PITPNB: variants seen among roughly 807,000 people sequenced by gnomAD.
PITPNB encodes phosphatidylinositol transfer protein beta.
Under a neutral mutation model 45.9 loss-of-function variants are expected in PITPNB, and 16 were observed. That is an observed-to-expected ratio of 0.35 (90% confidence interval 0.24 to 0.53). The LOEUF (loss-of-function observed/expected upper bound fraction) is 0.53. Among genes scored for constraint, PITPNB ranks in the 20% least tolerant of loss-of-function variants. The probability of loss-of-function intolerance (pLI) is 0.93; values close to 1 mark genes in which losing one functional copy is unlikely to be tolerated. For synonymous variants in PITPNB, 112 were observed against 108.9 expected (o/e 1.03, Z -0.18); for missense variants, 188 against 330.5 (o/e 0.57, Z 3.34).
At chr22:27,873,202 G>A (rs1934718936) in intron 8 of PITPNB, among the ~76,000 whole-genome samples, 2 of 152,216 alleles carry the variant, frequency 1.3e-5, no homozygotes, top group Admixed American at 1.3e-4. Context: ...AGGAGGCAGA[G>A]GCTGCAGTGA....
intron 8 of PITPNB, among the ~76,000 whole-genome samples, chr22:27,867,270 CA>C (rs1796203288): frequency 1.3e-5 from 2 of 151,732 alleles, no homozygotes; most frequent in African/African-American, 2.4e-5. Flanking sequence ...GGAAGGAAGA[CA>C]GGGGGAATAC....
At chr22:27,863,699 A>G (rs779595324) in intron 8 of PITPNB, among the ~76,000 whole-genome samples, 64 of 152,218 alleles carry the variant, frequency 4.2e-4, no homozygotes, top group Admixed American at 4.6e-4. Context: ...AATTTTATAA[A>G]AACAGTGGGA....
chr22:27,897,122 T>C lies in PITPNB; in HGVS notation c.297+8A>G, dbSNP rs1935458008. The C allele has an allele frequency of 6.4e-7, 1 of 1,562,968 alleles. No homozygotes were observed. The highest frequency in any genetic ancestry group is 8.8e-7 in the Non-Finnish European group (1 of 1,133,400). On this transcript the variant is annotated splice_region_variant and intron_variant, in intron 5 of 11. Transcript: ENST00000335272. ...GAAAGTATGAGACACAAAAATAGTT[T>C]TACTCACCGTTACAACTGAGGCATA...
At chr22:27,891,933 C>T (rs1426536602) in intron 7 of PITPNB, among the ~76,000 whole-genome samples, 6 of 152,226 alleles carry the variant, frequency 3.9e-5, no homozygotes. Flanking sequence ...GGCTAACCAA[C>T]TTGTCCAAGA....
chr22:27,893,582 CTTTTTTTTT>C (rs745878388), intron 7 of PITPNB, among the ~76,000 whole-genome samples: 1 of 74,032 alleles, frequency 1.4e-5, no homozygotes, highest in Admixed American at 2.0e-4. Context: ...CATGTCTAGC[CTTTTTTTTT>C]TTTTTTTTTT....
At chr22:27,907,443 T>C (rs1368106477) in intron 3 of PITPNB, among the ~76,000 whole-genome samples, 1 of 152,204 alleles carries the variant, frequency 6.6e-6, no homozygotes, top group Admixed American at 6.5e-5. Flanking sequence ...CCATAGCCAT[T>C]CCCTCCTCCA....
rs1398166019 is a variant in PITPNB, at chr22:27,852,290, C to A, written c.*1412G>T. The A allele has an allele frequency of 6.6e-6, 1 of 152,096 alleles. No individual in the cohort carries two copies. Among genetic ancestry groups the A allele is most frequent in the African/African-American group, 2.4e-5 (1 of 41,408 alleles). The allele number at this position is 152,096 out of a possible 1,614,324, so 9.4% of individuals were successfully genotyped here. On this transcript the variant is annotated 3_prime_UTR_variant, in exon 12 of 12. Transcript: ENST00000335272. ...GGAGGTTACAAAAGACAGTTTGTGA[C>A]CTGAAGGCTTCAACAATATAATTCT...
At chr22:27,862,271 T>C (rs1205861207) in intron 8 of PITPNB, among the ~76,000 whole-genome samples, 1 of 152,214 alleles carries the variant, frequency 6.6e-6, no homozygotes, top group Admixed American at 6.5e-5. Flanking sequence ...TTTTCCTTTA[T>C]ATGACTGAAG....
chr22:27,888,815 T>C (rs377462747), intron 7 of PITPNB, among the ~76,000 whole-genome samples: 5 of 152,150 alleles, frequency 3.3e-5, no homozygotes, highest in African/African-American at 4.8e-5. Context: ...AGTAGTGTGT[T>C]GGAACAGGAA....
chr22:27,914,244 T>G (rs1000954444), intron 2 of PITPNB, 73 bp downstream of exon 2: 1 of 887,066 alleles, frequency 1.1e-6, no homozygotes, highest in Non-Finnish European at 1.9e-6. Context: ...ACTACGAAAA[T>G]GTGAGTTTAG....
At chr22:27,896,696 C>G (rs1601415244) in intron 5 of PITPNB, 70 bp from the exon 6 acceptor site, 13 of 1,004,726 alleles carry the variant, frequency 1.3e-5, no homozygotes, top group Admixed American at 1.8e-5. Flanking sequence ...TCTGAGGGAG[C>G]TTTTCCCAGT....
intron 3 of PITPNB, among the ~76,000 whole-genome samples, chr22:27,906,060 G>A (rs1318635124): frequency 1.3e-5 from 2 of 152,184 alleles, no homozygotes; most frequent in Non-Finnish European, 2.9e-5. Flanking sequence ...GTATCAAAAT[G>A]AGTCGAAATG....
chr22:27,888,624 A>G (rs1274050382), intron 7 of PITPNB, among the ~76,000 whole-genome samples: 1 of 152,246 alleles, frequency 6.6e-6, no homozygotes, highest in East Asian at 1.9e-4. Flanking sequence ...ACAGGTTGCT[A>G]AACAAAGAGA....
At chr22:27,885,890 C>T (rs1361151973) in intron 7 of PITPNB, among the ~76,000 whole-genome samples, 2 of 152,142 alleles carry the variant, frequency 1.3e-5, no homozygotes, top group South Asian at 2.1e-4. Flanking sequence ...GCTTATGCCA[C>T]GCCATGCATC....
At chr22:27,906,868 T>G (rs142555018) in intron 3 of PITPNB, among the ~76,000 whole-genome samples, 18 of 152,322 alleles carry the variant, frequency 1.2e-4, no homozygotes, top group African/African-American at 4.3e-4. Context: ...CTTTCAGATT[T>G]TGTCAATATT....
At chr22:27,865,595 C>T (rs1934460046) in intron 8 of PITPNB, among the ~76,000 whole-genome samples, 1 of 152,168 alleles carries the variant, frequency 6.6e-6, no homozygotes. Context: ...GTTCTAGAAT[C>T]CACAGGACCC....
chr22:27,862,270 A>G (rs1263953961), intron 8 of PITPNB, among the ~76,000 whole-genome samples: 1 of 152,200 alleles, frequency 6.6e-6, no homozygotes, highest in Non-Finnish European at 1.5e-5. Flanking sequence ...TTTTTCCTTT[A>G]TATGACTGAA....
intron 7 of PITPNB, among the ~76,000 whole-genome samples, chr22:27,878,275 A>AT (rs1934875102): frequency 1.3e-5 from 2 of 152,320 alleles, no homozygotes; most frequent in African/African-American, 4.8e-5. Flanking sequence ...TGGCACCTAA[A>AT]TGAGTTCCTG....
rs550478687 is a variant in PITPNB, at chr22:27,885,824, C to A, written c.456+8731G>T. On this transcript the variant is annotated intron_variant, in intron 7 of 11. Coordinates refer to ENST00000335272, the MANE Select transcript of PITPNB (RefSeq NM_012399.5). ...CCTTTTCTTCTTCTTTTTTATAATA[C>A]TAGACAGAAAAAACATTTGCAAATT... 3.9e-5 allele frequency among the ~76,000 whole-genome samples: 6 copies of A among 152,252 alleles called. No homozygotes were observed. The South Asian group carries it at 1.2e-3, about 32-fold the overall frequency.
Sources: gnomAD v4.1 joint callset for allele counts (sites outside exome capture counted in the v4.1 genomes callset) on GRCh38, gnomAD v4.1.1 for gene constraint, MANE v1.5 for transcripts, NCBI Gene and HGNC (gene_info 2026-07-23, HGNC 2026-07-21) for gene names.